Variants in RAPGEF2 observed in about 807,000 individuals in gnomAD.
The protein encoded by RAPGEF2 is Rap guanine nucleotide exchange factor 2.
A neutral mutation model predicts 186.7 loss-of-function variants in RAPGEF2; 54 were observed. The observed-to-expected ratio is 0.29, with a 90% confidence interval of 0.23 to 0.36. The LOEUF is 0.36. Ranked by LOEUF, RAPGEF2 falls within the 10% of genes least tolerant of loss-of-function variation. The pLI, the probability that RAPGEF2 is intolerant of heterozygous loss-of-function variation, is 1.00. For synonymous variants in RAPGEF2, 712 were observed against 705.9 expected (o/e 1.01, Z -0.14); for missense variants, 1,532 against 2,045.0 (o/e 0.75, Z 4.84).
At position 159,345,192 on chromosome 4, in the gene RAPGEF2, T is replaced by C. The variant is rs1308586647; in HGVS notation, c.3365T>C (p.Phe1122Ser). 1.9e-6 allele frequency: 3 copies of C among 1,614,186 alleles called. No individual in the cohort carries two copies. The change falls in exon 24 of 30, where the codon TTT (phenylalanine) becomes TCT (serine). Residue 1122 changes from phenylalanine to serine, a missense_variant. Phe to Ser is a radical substitution (Grantham distance 155, BLOSUM62 -2). Transcript: ENST00000691494. ...AAAAAGCGGGTACGTCGTAGTTCCT[T>C]TCTCAATGCCAAAAAGCTTTATGAA... is the stretch of plus-strand genomic sequence containing the variant. ...GHKKRVRRSS[F>S]LNAKKLYEDA... is the part of the protein sequence containing the mutation.
intron 3 of RAPGEF2, among the ~76,000 whole-genome samples, chr4:159,200,302 T>TA (rs1749267270): frequency 6.6e-6 from 1 of 151,832 alleles, no homozygotes; most frequent in East Asian, 1.9e-4. Flanking sequence ...ACCCTATCTC[T>TA]AAAAAAATAC....
At chr4:159,331,346 G>T in intron 13 of RAPGEF2, 85 bp from the exon 14 acceptor site, 1 of 732,802 alleles carries the variant, frequency 1.4e-6, no homozygotes, top group South Asian at 2.1e-5. Context: ...TAAATTATTT[G>T]AAAGTTGGAT....
Position 159,127,840 on chromosome 4 carries a change from G to C in RAPGEF2, c.69+23609G>C, listed in dbSNP as rs116561839. Among the ~76,000 whole-genome samples, 924 of 152,230 alleles carry C rather than the reference G, an allele frequency of 6.1e-3. 9 individuals are homozygous for C. Among genetic ancestry groups the C allele is most frequent in the African/African-American group, 0.021 (872 of 41,532 alleles). ...ATTATTTGAATACAACATTGTTCAG[G>C]CTTGTAAATTATTTTAAGACAGTCA... On this transcript the variant is annotated intron_variant, in intron 1 of 29. Transcript: ENST00000691494.
intron 1 of RAPGEF2, among the ~76,000 whole-genome samples, chr4:159,148,337 G>A (rs1743162308): frequency 6.6e-6 from 1 of 152,138 alleles, no homozygotes; most frequent in South Asian, 2.1e-4. Flanking sequence ...CTAGAGAGTA[G>A]ATGTTGAAAA....
chr4:159,123,729 A>G (rs1739975725), intron 1 of RAPGEF2, among the ~76,000 whole-genome samples: 1 of 151,992 alleles, frequency 6.6e-6, no homozygotes, highest in African/African-American at 2.4e-5. Flanking sequence ...CGTGTTAGCC[A>G]GGATGGTCTC....
intron 7 of RAPGEF2, among the ~76,000 whole-genome samples, chr4:159,251,545 G>C (rs1242142803): frequency 6.6e-6 from 1 of 152,024 alleles, no homozygotes; most frequent in Non-Finnish European, 1.5e-5. Flanking sequence ...TATGTCTAGC[G>C]AGAGGATTGT....
At chr4:159,111,438 T>C (rs1323978469) in intron 1 of RAPGEF2, among the ~76,000 whole-genome samples, 2 of 152,230 alleles carry the variant, frequency 1.3e-5, no homozygotes, top group South Asian at 2.1e-4. Flanking sequence ...TTCGCTGCCA[T>C]TTGCAGTTTA....
At chr4:159,235,422 G>T (rs1411922234) in intron 4 of RAPGEF2, among the ~76,000 whole-genome samples, 1 of 152,194 alleles carries the variant, frequency 6.6e-6, no homozygotes, top group Non-Finnish European at 1.5e-5. Flanking sequence ...CTTTTTCAGT[G>T]TAGAGCATTT....
At chr4:159,105,268 G>A (rs1737752827) in intron 1 of RAPGEF2, among the ~76,000 whole-genome samples, 1 of 152,198 alleles carries the variant, frequency 6.6e-6, no homozygotes, top group Non-Finnish European at 1.5e-5. Context: ...TGATCCTTGG[G>A]ACCATCAGAC....
rs1190053891 is a variant in RAPGEF2, at chr4:159,267,797, T to C, written c.543+24006T>C. On this transcript the variant is annotated intron_variant, in intron 7 of 29. Coordinates refer to ENST00000691494, the MANE Select transcript of RAPGEF2 (RefSeq NM_001394067.2). The stretch of plus-strand genomic sequence containing the variant: ...CAGCCATTTTAGCTTTTTTCTTTTT[T>C]TTTTTTTTTTCCTCTCCTTTTCTTT... 16 of 1,011,602 alleles carry C rather than the reference T, an allele frequency of 1.6e-5. No homozygotes were observed. In the African/African-American group the frequency reaches 1.7e-4, roughly 11 times the overall value. 62.7% of individuals were successfully genotyped at this position (1,011,602 alleles called of 1,614,324 possible).
chr4:159,185,773 G>T (rs1244079882), intron 1 of RAPGEF2, among the ~76,000 whole-genome samples: 1 of 151,924 alleles, frequency 6.6e-6, no homozygotes, highest in Admixed American at 6.6e-5. Flanking sequence ...CCACTGAATT[G>T]TTCACTTTAA....
At chr4:159,309,011 G>A (rs1015973239) in intron 8 of RAPGEF2, among the ~76,000 whole-genome samples, 4 of 152,154 alleles carry the variant, frequency 2.6e-5, no homozygotes, top group African/African-American at 9.7e-5. Context: ...ATTTCCCTCT[G>A]CTCTGTTAAG....
At chr4:159,280,601 C>G (rs1759561215) in intron 7 of RAPGEF2, among the ~76,000 whole-genome samples, 1 of 152,168 alleles carries the variant, frequency 6.6e-6, no homozygotes, top group African/African-American at 2.4e-5. Flanking sequence ...GTATTGTTCC[C>G]TCCTTTAAGT....
chr4:159,310,491 TTTTG>T (rs1474095043), intron 8 of RAPGEF2, among the ~76,000 whole-genome samples: 4 of 152,112 alleles, frequency 2.6e-5, no homozygotes, highest in African/African-American at 2.4e-5. Context: ...ATAAAAATTT[TTTTG>T]TTTGTGAATT....
intron 7 of RAPGEF2, among the ~76,000 whole-genome samples, chr4:159,253,594 C>A (rs1263754337): frequency 6.6e-6 from 1 of 151,580 alleles, no homozygotes; most frequent in Non-Finnish European, 1.5e-5. Flanking sequence ...TCATTTTGTT[C>A]GTTTTTAGAA....
In RAPGEF2 at chr4:159,132,993, G is replaced by A. The variant is rs555954871; in HGVS notation, c.69+28762G>A. Among the ~76,000 whole-genome samples the A allele has an allele frequency of 4.6e-5, 7 of 151,690 alleles. No homozygotes were observed. The East Asian group carries it at 1.4e-3, about 29-fold the overall frequency. On this transcript the variant is annotated intron_variant, in intron 1 of 29. Coordinates refer to ENST00000691494, the MANE Select transcript of RAPGEF2 (RefSeq NM_001394067.2). The stretch of plus-strand genomic sequence containing the variant: ...ACTCCCAGTTCCCTTCTGGTAGTGA[G>A]TGATTTTCATTGCTTGTTTATTCTT...
intron 17 of RAPGEF2, among the ~76,000 whole-genome samples, chr4:159,333,808 T>C (rs965227085): frequency 6.6e-6 from 1 of 152,218 alleles, no homozygotes; most frequent in Non-Finnish European, 1.5e-5. Context: ...TTAAAACATA[T>C]AATTTCGTGC....
intron 7 of RAPGEF2, among the ~76,000 whole-genome samples, chr4:159,302,604 C>T (rs1035019938): frequency 4.6e-5 from 7 of 152,104 alleles, no homozygotes; most frequent in African/African-American, 7.2e-5. Flanking sequence ...AAATTATAGT[C>T]ATTAATACAT....
In RAPGEF2 at chr4:159,332,810, G is replaced by T. The variant is rs536240834; in HGVS notation, c.2135+113G>T. ...TCTGAAAACTGTTCTAGGTTTTTAT[G>T]ACTGAGCTATTTTGGAAGCAGTATT... On this transcript the variant is annotated intron_variant, in intron 17 of 29. Coordinates refer to ENST00000691494, the MANE Select transcript of RAPGEF2 (RefSeq NM_001394067.2). The T allele has an allele frequency of 2.3e-5, 30 of 1,292,138 alleles. No individual in the cohort carries two copies. In the South Asian group the frequency reaches 4.5e-4, roughly 20 times the overall value. The allele number at this position is 1,292,138 out of a possible 1,614,324, so 80.0% of individuals were successfully genotyped here. A position where few individuals can be genotyped will look rare whatever the true frequency, so the allele number is the denominator to read the frequency against.
Sources: gnomAD v4.1 joint callset for allele counts (sites outside exome capture counted in the v4.1 genomes callset) on GRCh38, gnomAD v4.1.1 for gene constraint, MANE v1.5 for transcripts, NCBI Gene and HGNC (gene_info 2026-07-23, HGNC 2026-07-21) for gene names.